Variants in ZNF568 observed in about 807,000 individuals in gnomAD.
ZNF568 encodes the protein zinc finger protein 568, also known as p53 inhibitor of SCO2 activation.
ZNF568 carries 11 observed loss-of-function variants against 18.1 expected under a neutral mutation model. The observed-to-expected ratio is 0.61, with a 90% CI of 0.38 to 1.00. The LOEUF is 1.00. Among genes scored for constraint, ZNF568 ranks in the 50% least tolerant of loss-of-function variants. The pLI is 0.01. For synonymous variants in ZNF568, 213 were observed against 246.6 expected (o/e 0.86, Z 1.28); for missense variants, 639 against 768.2 (o/e 0.83, Z 1.99).
At chr19:36,926,197 T>C (rs957202289) in intron 4 of ZNF568, among the ~76,000 whole-genome samples, 2 of 152,204 alleles carry the variant, frequency 1.3e-5, no homozygotes, top group East Asian at 1.9e-4. Context: ...TCAGAAGATA[T>C]AGTCTTCATC....
At chr19:36,922,060 A>C (rs2073465711) in intron 2 of ZNF568, among the ~76,000 whole-genome samples, 1 of 152,232 alleles carries the variant, frequency 6.6e-6, no homozygotes, top group Admixed American at 6.5e-5. Context: ...ATTATCTATT[A>C]GTGTGTAACA....
intron 6 of ZNF568, 49 bp from the exon 7 acceptor site, chr19:36,949,463 C>A: frequency 6.6e-7 from 1 of 1,509,692 alleles, no homozygotes; most frequent in Non-Finnish European, 8.8e-7. Context: ...TATTAATAGT[C>A]TAGTGGTAGA....
intron 6 of ZNF568, among the ~76,000 whole-genome samples, chr19:36,961,443 G>T (rs62113161): frequency 0.022 from 3,349 of 151,174 alleles, 59 homozygotes; most frequent in Non-Finnish European, 0.035. Flanking sequence ...TTATAAGTAG[G>T]ATATTTGGGG....
chr19:36,964,490 C>T (rs1221242445), intron 6 of ZNF568, among the ~76,000 whole-genome samples: 1 of 152,128 alleles, frequency 6.6e-6, no homozygotes, highest in East Asian at 1.9e-4. Flanking sequence ...AACTATGAGG[C>T]ATCTGAGCCT....
chr19:36,921,069 T>C (rs1287399591), intron 2 of ZNF568, among the ~76,000 whole-genome samples: 1 of 152,238 alleles, frequency 6.6e-6, no homozygotes, highest in Non-Finnish European at 1.5e-5. Context: ...AGTACACTTA[T>C]ATTTGCACAA....
chr19:36,969,080 C>T (rs1307683224), intron 6 of ZNF568, among the ~76,000 whole-genome samples: 3 of 152,126 alleles, frequency 2.0e-5, no homozygotes, highest in Non-Finnish European at 4.4e-5. Flanking sequence ...TGGTCTCAAT[C>T]TCCTGACCTC....
At chr19:36,989,198 A>T (rs373412291) in intron 2 of ZNF568, among the ~76,000 whole-genome samples, 22 of 152,038 alleles carry the variant, frequency 1.4e-4, no homozygotes, top group African/African-American at 4.6e-4. Context: ...TGATTGATTG[A>T]TTGAGACAGA....
intron 4 of ZNF568, among the ~76,000 whole-genome samples, chr19:36,926,541 T>C (rs1266042704): frequency 6.6e-6 from 1 of 152,208 alleles, no homozygotes; most frequent in Non-Finnish European, 1.5e-5. Context: ...TGTAAGTCTA[T>C]AAATGGGGAT....
At chr19:36,931,918 A>G (rs1175934899) in intron 4 of ZNF568, among the ~76,000 whole-genome samples, 1 of 152,206 alleles carries the variant, frequency 6.6e-6, no homozygotes, top group African/African-American at 2.4e-5. Context: ...TGATGTAGGC[A>G]AGAATAAATG....
Position 36,951,054 on chromosome 19 carries a change from G to GAGGT in ZNF568, c.1902_1905dup (p.His636ArgfsTer5). ...AGAGCATCCCTTTCTATACATAAGA[G>GAGGT]AGGTCATACAGGTGAGAGACACCAA... On this transcript the variant is annotated frameshift_variant, in exon 7 of 7. Transcript: ENST00000333987. LOFTEE classifies it high-confidence loss of function. The GAGGT allele has an allele frequency of 6.3e-7, 1 of 1,586,786 alleles. No individual in the cohort carries two copies. The highest frequency in any genetic ancestry group is 8.6e-7 in the Non-Finnish European group (1 of 1,169,552).
At chr19:36,990,496 T>C (rs908463147) in intron 2 of ZNF568, among the ~76,000 whole-genome samples, 1 of 152,098 alleles carries the variant, frequency 6.6e-6, no homozygotes, top group African/African-American at 2.4e-5. Flanking sequence ...ATGCCTGTGG[T>C]CCCAGCTACT....
intron 4 of ZNF568, among the ~76,000 whole-genome samples, chr19:36,927,903 A>ATATTT (rs1568381621): frequency 3.8e-5 from 1 of 26,602 alleles, no homozygotes; most frequent in African/African-American, 2.5e-4. Flanking sequence ...ATATATATAT[A>ATATTT]TTTTTTTTTT....
rs144149191 is a variant in ZNF568 at position 36,966,795 on chromosome 19, G to A, written c.359-7625G>A. 3.4e-4 allele frequency among the ~76,000 whole-genome samples: 52 copies of A among 152,304 alleles called. 1 individual carries two copies. The highest frequency in any genetic ancestry group is 7.7e-4 in the East Asian group (4 of 5,172). On this transcript the variant is annotated intron_variant, in intron 6 of 7. Transcript: ENST00000427117. ...GTGAGAATATTCAGCGATGCTCTGC[G>A]CCAGCTGTGCTCCAGAGCATGCAGT...
intron 4 of ZNF568, among the ~76,000 whole-genome samples, chr19:36,994,555 T>G (rs1427593040): frequency 6.6e-6 from 1 of 152,268 alleles, no homozygotes; most frequent in East Asian, 1.9e-4. Context: ...TTAATTCTTG[T>G]GTTACATATT....
intron 6 of ZNF568, among the ~76,000 whole-genome samples, chr19:36,944,122 G>A (rs1428437974): frequency 6.6e-6 from 1 of 151,954 alleles, no homozygotes; most frequent in Non-Finnish European, 1.5e-5. Context: ...AAATAGGCCA[G>A]TCACGGTGGC....
chr19:36,921,913 C>G (rs2073463054), intron 2 of ZNF568, among the ~76,000 whole-genome samples: 1 of 152,134 alleles, frequency 6.6e-6, no homozygotes, highest in East Asian at 1.9e-4. Flanking sequence ...TTACATCTGT[C>G]ACCTCATCGA....
In ZNF568 at chr19:36,991,249, A is replaced by G. The variant is rs1667354; in HGVS notation, c.83A>G (p.Asp28Gly). The change falls in exon 3 of 5, where the codon GAT becomes GGT. Residue 28 changes from aspartate (D) to glycine (G), a missense_variant. Transcript: ENST00000433993. ...GAATGCTTGCACTCTGCTCAGAAGG[A>G]TTTGTACCGAGATGTAATGTTGGAA... The G allele has an allele frequency of 0.54, 826,909 of 1,534,716 alleles. 225,748 individuals are homozygous for G. Among genetic ancestry groups the G allele is most frequent in the African/African-American group, 0.67 (49,244 of 73,012 alleles).
At chr19:36,965,094 T>C (rs1181146109) in intron 6 of ZNF568, among the ~76,000 whole-genome samples, 1 of 152,196 alleles carries the variant, frequency 6.6e-6, no homozygotes, top group African/African-American at 2.4e-5. Flanking sequence ...TTCTTGGGAA[T>C]CTTTGATTAT....
rs112493363 is a variant in ZNF568 at position 36,932,056 on chromosome 19, G to C, written c.136-4690G>C. 3.2e-3 allele frequency among the ~76,000 whole-genome samples: 485 copies of C among 152,282 alleles called. 3 individuals carry two copies. Among genetic ancestry groups the C allele is most frequent in the African/African-American group, 0.011 (466 of 41,558 alleles). On this transcript the variant is annotated intron_variant, in intron 4 of 6. Coordinates refer to ENST00000333987, the MANE Select transcript of ZNF568 (RefSeq NM_198539.4). ...TCAAGTTTCATGCATTTTGTAGCTT[G>C]TACGAGTACTTTTTATTTCTGAATA...
Sources: gnomAD v4.1 joint callset for allele counts (sites outside exome capture counted in the v4.1 genomes callset) on GRCh38, gnomAD v4.1.1 for gene constraint, MANE v1.5 for transcripts, NCBI Gene and HGNC (gene_info 2026-07-23, HGNC 2026-07-21) for gene names.